Variants in RTN1 observed in about 807,000 individuals in gnomAD.
RTN1 encodes the protein reticulon 1, also known as reticulon-1.
RTN1 carries 25 observed loss-of-function variants against 65.5 expected under a neutral mutation model. That is an observed-to-expected ratio of 0.38 (90% CI 0.28 to 0.53). The LOEUF (loss-of-function observed/expected upper bound fraction) is 0.53. Ranked by LOEUF, RTN1 falls within the 20% of genes least tolerant of loss-of-function variation. The probability of loss-of-function intolerance (pLI) is 0.79; values close to 1 mark genes in which losing one functional copy is unlikely to be tolerated. For missense variants in RTN1, 983 were observed against 1,025.4 expected (o/e 0.96, Z 0.57); for synonymous variants, 471 against 447.6 (o/e 1.05, Z -0.66).
At chr14:59,625,753 A>C (rs1882379289) in intron 3 of RTN1, among the ~76,000 whole-genome samples, 1 of 152,184 alleles carries the variant, frequency 6.6e-6, no homozygotes, top group Non-Finnish European at 1.5e-5. Flanking sequence ...CCTCATTTTT[A>C]GAAAAAAATA....
At chr14:59,832,393 T>G (rs917412790) in intron 1 of RTN1, among the ~76,000 whole-genome samples, 6 of 152,150 alleles carry the variant, frequency 3.9e-5, no homozygotes, top group Non-Finnish European at 7.4e-5. Context: ...CAAGCCCAAG[T>G]GGCTCCCACC....
At chr14:59,804,308 G>A (rs2139604584) in intron 1 of RTN1, among the ~76,000 whole-genome samples, 1 of 152,148 alleles carries the variant, frequency 6.6e-6, no homozygotes, top group South Asian at 2.1e-4. Flanking sequence ...ATGTACATAT[G>A]GGGGATGAAT....
rs1431893525 is a variant in RTN1 at position 59,703,567 on chromosome 14, T to A, written c.1765+23352A>T. 1.3e-5 allele frequency among the ~76,000 whole-genome samples: 2 copies of A among 152,200 alleles called. 1 individual carries two copies. Among genetic ancestry groups the A allele is most frequent in the Non-Finnish European group, 2.9e-5 (2 of 68,034 alleles). On this transcript the variant is annotated intron_variant, in intron 3 of 8. Coordinates refer to ENST00000267484, the MANE Select transcript of RTN1 (RefSeq NM_021136.3). ...AGAACCATGAGTCAATAAAACCTCT[T>A]TTCTTTATAAATTACCCAGCTTCAG...
Position 59,774,660 on chromosome 14 carries a change from T to G in RTN1, c.242-28179A>C, listed in dbSNP as rs1337654719. 2.0e-5 allele frequency among the ~76,000 whole-genome samples: 3 copies of G among 150,008 alleles called. No individual in the cohort carries two copies. The highest frequency in any genetic ancestry group is 4.4e-5 in the Non-Finnish European group (3 of 68,022). On this transcript the variant is annotated intron_variant, in intron 1 of 8. Transcript: ENST00000267484. The surrounding 1 kb of genome is among the most constrained non-coding windows in gnomAD (Gnocchi z 5.1). ...TCATTTGGAATCTCATATTTATATG[T>G]GTATTCTTAATGTTCCTTTCTAAAT...
chr14:59,697,044 AT>A (rs145099628), intron 3 of RTN1, among the ~76,000 whole-genome samples: 15 of 151,038 alleles, frequency 9.9e-5, no homozygotes, highest in African/African-American at 3.2e-4. Flanking sequence ...CTAGAGTCTC[AT>A]TTTTTTTTGT....
chr14:59,734,529 G>A (rs1383451858), intron 2 of RTN1, among the ~76,000 whole-genome samples: 2 of 152,164 alleles, frequency 1.3e-5, no homozygotes, highest in Non-Finnish European at 2.9e-5. Context: ...AGCCAGTTTA[G>A]ACTGGAACAT....
At chr14:59,627,769 C>T (rs1305423680) in intron 3 of RTN1, among the ~76,000 whole-genome samples, 2 of 152,100 alleles carry the variant, frequency 1.3e-5, no homozygotes, top group Non-Finnish European at 2.9e-5. Flanking sequence ...TTATGGCACA[C>T]TATAATTAGT....
chr14:59,784,320 AATCCCAGCTACTAGGGAGGCTGAGGCAGG>A (rs1886212735), intron 1 of RTN1, among the ~76,000 whole-genome samples: 1 of 152,128 alleles, frequency 6.6e-6, no homozygotes, highest in African/African-American at 2.4e-5. Flanking sequence ...ACATGCCTGT[AATCCCAGCTACTAGGGAGGCTGAGGCAGG>A]AGAATTGCTT....
intron 3 of RTN1, among the ~76,000 whole-genome samples, chr14:59,668,220 T>G (rs1883422891): frequency 6.6e-6 from 1 of 152,186 alleles, no homozygotes; most frequent in South Asian, 2.1e-4. Flanking sequence ...AAGGCTACAG[T>G]AACCAAGACA....
At chr14:59,750,329 A>AATATATAATATCTATAATATATT (rs1173657271) in intron 1 of RTN1, among the ~76,000 whole-genome samples, 1 of 13,686 alleles carries the variant, frequency 7.3e-5, no homozygotes, top group Non-Finnish European at 1.1e-4. Context: ...TATAATATAT[A>AATATATAATATCTATAATATATT]ATATATTATA....
At position 59,814,573 on chromosome 14, in the gene RTN1, T is replaced by G. The variant is rs575883394; in HGVS notation, c.241+55817A>C. Among the ~76,000 whole-genome samples, 210 of 152,334 alleles carry G rather than the reference T, an allele frequency of 1.4e-3. 2 individuals carry two copies. Among genetic ancestry groups the G allele is most frequent in the Non-Finnish European group, 1.7e-3 (118 of 68,026 alleles). On this transcript the variant is annotated intron_variant, in intron 1 of 8. Coordinates refer to ENST00000267484, the MANE Select transcript of RTN1 (RefSeq NM_021136.3). Reference sequence around the variant, plus strand: ...GTTCCATCACTCTCACATTTTTTAATCCATTAACTCATTTTTGCAAACAAT... The same window carrying G: ...GTTCCATCACTCTCACATTTTTTAAGCCATTAACTCATTTTTGCAAACAAT...
chr14:59,786,881 G>A (rs968677381), intron 1 of RTN1, among the ~76,000 whole-genome samples: 2 of 152,100 alleles, frequency 1.3e-5, no homozygotes, highest in African/African-American at 2.4e-5. Context: ...CTTAGTAACC[G>A]AACTGCAGCA....
chr14:59,694,319 G>C (rs1884019181), intron 3 of RTN1, among the ~76,000 whole-genome samples: 2 of 152,188 alleles, frequency 1.3e-5, no homozygotes, highest in Admixed American at 6.5e-5. Flanking sequence ...GAGAGTCATA[G>C]TTCTAGGCAT....
intron 3 of RTN1, among the ~76,000 whole-genome samples, chr14:59,714,363 T>G (rs993961403): frequency 1.3e-5 from 2 of 152,234 alleles, no homozygotes; most frequent in Non-Finnish European, 2.9e-5. Context: ...TAATGCTGGC[T>G]ACAGTAATAA....
chr14:59,698,418 T>C (rs1481458525), intron 3 of RTN1, among the ~76,000 whole-genome samples: 1 of 152,166 alleles, frequency 6.6e-6, no homozygotes. Flanking sequence ...ATTTTAAAAA[T>C]AAGGTGATAT....
chr14:59,724,589 G>T (rs1419308561), intron 3 of RTN1, among the ~76,000 whole-genome samples: 1 of 152,166 alleles, frequency 6.6e-6, no homozygotes, highest in Non-Finnish European at 1.5e-5. Flanking sequence ...CTGGGGCTGG[G>T]CGTGGTGGCT....
chr14:59,847,786 G>T (rs1887435800), intron 1 of RTN1, among the ~76,000 whole-genome samples: 1 of 152,154 alleles, frequency 6.6e-6, no homozygotes, highest in South Asian at 2.1e-4. Flanking sequence ...AGAACGCCCT[G>T]CTTCATGCTA....
At chr14:59,723,864 C>A (rs1884700657) in intron 3 of RTN1, among the ~76,000 whole-genome samples, 1 of 152,096 alleles carries the variant, frequency 6.6e-6, no homozygotes, top group South Asian at 2.1e-4. Flanking sequence ...GGCAAAGATA[C>A]CATGATTTCC....
intron 3 of RTN1, among the ~76,000 whole-genome samples, chr14:59,703,110 C>T (rs1884214927): frequency 6.6e-6 from 1 of 152,226 alleles, no homozygotes; most frequent in Non-Finnish European, 1.5e-5. Context: ...GTGACCTGCC[C>T]CTCCCTCCAT....
Sources: allele counts gnomAD v4.1 joint callset (sites outside exome capture counted in the v4.1 genomes callset), GRCh38; gene constraint gnomAD v4.1.1; non-coding constraint Gnocchi (gnomAD v3.1); transcripts MANE v1.5; gene names NCBI Gene and HGNC (gene_info 2026-07-23, HGNC 2026-07-21).